FARS2: variants seen among roughly 807,000 people sequenced by gnomAD.
The protein encoded by FARS2 is phenylalanine--tRNA ligase, mitochondrial.
In FARS2, 40 loss-of-function variants were observed where a neutral mutation model predicts 46.4. The observed-to-expected ratio is 0.86, with a 90% CI of 0.67 to 1.12. The LOEUF is 1.12. Among genes scored for constraint, FARS2 ranks in the 50% most tolerant of loss-of-function variants. The pLI, the probability that FARS2 is intolerant of heterozygous loss-of-function variation, is 0.00. For missense variants in FARS2, 513 were observed against 567.9 expected (o/e 0.90, Z 0.98); for synonymous variants, 234 against 214.9 (o/e 1.09, Z -0.78).
chr6:5,622,770 C>T (rs901367716), intron 6 of FARS2, among the ~76,000 whole-genome samples: 3 of 152,202 alleles, frequency 2.0e-5, no homozygotes, highest in African/African-American at 4.8e-5. Context: ...GTGAGAAATG[C>T]GTTTCTATTG....
chr6:5,439,838 C>T (rs1763741744), intron 4 of FARS2, among the ~76,000 whole-genome samples: 1 of 152,206 alleles, frequency 6.6e-6, no homozygotes, highest in Non-Finnish European at 1.5e-5. Context: ...TCCTGCCCTC[C>T]CTTCCTTCTC....
intron 4 of FARS2, among the ~76,000 whole-genome samples, chr6:5,512,252 T>C (rs1176634094): frequency 1.3e-5 from 2 of 152,100 alleles, no homozygotes; most frequent in African/African-American, 4.8e-5. Context: ...ACACAGCTAA[T>C]TAGAGGGAGA....
chr6:5,302,738 A>G (rs143673579), intron 1 of FARS2, among the ~76,000 whole-genome samples: 34 of 152,294 alleles, frequency 2.2e-4, no homozygotes, highest in Middle Eastern at 3.4e-3. Flanking sequence ...GTGGGGGGCT[A>G]TAACTGTTGG....
intron 6 of FARS2, among the ~76,000 whole-genome samples, chr6:5,682,532 C>T (rs370051328): frequency 4.8e-4 from 73 of 152,346 alleles, no homozygotes; most frequent in Non-Finnish European, 8.7e-4. Flanking sequence ...TTCTTTTCCA[C>T]ACTGAATTTA....
At chr6:5,346,108 T>C (rs1757215133) in intron 1 of FARS2, among the ~76,000 whole-genome samples, 1 of 152,164 alleles carries the variant, frequency 6.6e-6, no homozygotes, top group African/African-American at 2.4e-5. Context: ...TAGAAGTCTC[T>C]TCCCTCGCAG....
chr6:5,503,387 CACACACACACACACACACAGAGAG>C (rs977556039), intron 4 of FARS2, among the ~76,000 whole-genome samples: 3 of 64,304 alleles, frequency 4.7e-5, no homozygotes, highest in Non-Finnish European at 9.4e-5. Flanking sequence ...CACACACACA[CACACACACACACACACACAGAGAG>C]AGAGAGAGAG....
chr6:5,713,100 G>T (rs986568156), intron 6 of FARS2, among the ~76,000 whole-genome samples: 4 of 152,172 alleles, frequency 2.6e-5, no homozygotes, highest in African/African-American at 9.7e-5. Context: ...TGGCAATTTG[G>T]CATTATGGTG....
At chr6:5,709,802 C>T (rs889845655) in intron 6 of FARS2, among the ~76,000 whole-genome samples, 1 of 151,938 alleles carries the variant, frequency 6.6e-6, no homozygotes, top group Non-Finnish European at 1.5e-5. Context: ...AGGAAAGATA[C>T]TGAGCAGAGG....
chr6:5,568,992 A>T (rs1772477959), intron 5 of FARS2, among the ~76,000 whole-genome samples: 1 of 151,730 alleles, frequency 6.6e-6, no homozygotes, highest in African/African-American at 2.4e-5. Flanking sequence ...TTAACACCTA[A>T]ATTGGGGTCT....
chr6:5,740,603 G>A (rs999434120), intron 6 of FARS2, among the ~76,000 whole-genome samples: 3 of 151,868 alleles, frequency 2.0e-5, no homozygotes, highest in South Asian at 2.1e-4. Context: ...AAAAGCCCCC[G>A]TTTCCAGATG....
rs953060493 is a variant in FARS2 at position 5,629,896 on chromosome 6, C to T, written c.1217+16576C>T. ...GGGGATGAAGAAACCACATAACTCT[C>T]AGAGTCCTGACCTGTGCGGCCAAGA... is the stretch of plus-strand genomic sequence containing the variant. On this transcript the variant is annotated intron_variant, in intron 6 of 6. Coordinates refer to ENST00000274680, the MANE Select transcript of FARS2 (RefSeq NM_006567.5). 3.3e-5 allele frequency among the ~76,000 whole-genome samples: 5 copies of T among 152,224 alleles called. No homozygotes were observed. In the South Asian group the frequency reaches 6.2e-4, roughly 19 times the overall value.
rs149594996 is a variant in FARS2, at chr6:5,421,747, G to A, written c.773-9294G>A. On this transcript the variant is annotated intron_variant, in intron 3 of 6. Transcript: ENST00000274680. Reference sequence around the variant, plus strand: ...ACAAAAGTTACTTTGCTCCATTTCCGAACAAGTTCCTCATCTCCATCTGAG... The same window carrying A: ...ACAAAAGTTACTTTGCTCCATTTCCAAACAAGTTCCTCATCTCCATCTGAG... Among the ~76,000 whole-genome samples, 428 of 152,230 alleles carry A rather than the reference G, an allele frequency of 2.8e-3. 2 individuals are homozygous for A. The highest frequency in any genetic ancestry group is 9.8e-3 in the African/African-American group (408 of 41,532).
chr6:5,475,297 A>T (rs1223471015), intron 4 of FARS2, among the ~76,000 whole-genome samples: 1 of 152,194 alleles, frequency 6.6e-6, no homozygotes, highest in Non-Finnish European at 1.5e-5. Context: ...TATTTTAGGC[A>T]CGTGCAAGAA....
chr6:5,659,706 A>G (rs1777763012), intron 6 of FARS2, among the ~76,000 whole-genome samples: 1 of 152,216 alleles, frequency 6.6e-6, no homozygotes, highest in South Asian at 2.1e-4. Flanking sequence ...CAGTGGAGAA[A>G]AATCATGGTT....
intron 6 of FARS2, among the ~76,000 whole-genome samples, chr6:5,721,879 T>C (rs1759932113): frequency 6.6e-6 from 1 of 152,248 alleles, no homozygotes. Context: ...CAGCTCACAG[T>C]TGAATCTCAG....
chr6:5,633,050 A>G lies in FARS2; in HGVS notation c.1217+19730A>G, dbSNP rs141139007. Among the ~76,000 whole-genome samples, 74 of 149,666 alleles carry G rather than the reference A, an allele frequency of 4.9e-4. No homozygotes were observed. In the East Asian group the frequency reaches 0.014, roughly 28 times the overall value. On this transcript the variant is annotated intron_variant, in intron 6 of 6. Coordinates refer to ENST00000274680, the MANE Select transcript of FARS2 (RefSeq NM_006567.5). ...ACACTGAGAGTATTGGATTTTTGTTATTAGAAGTAATGGGTTTTTATTTTA... is the reference window on the plus strand; with the variant it reads ...ACACTGAGAGTATTGGATTTTTGTTGTTAGAAGTAATGGGTTTTTATTTTA...
chr6:5,371,555 A>C (rs1029833687), intron 2 of FARS2, among the ~76,000 whole-genome samples: 1 of 152,152 alleles, frequency 6.6e-6, no homozygotes, highest in African/African-American at 2.4e-5. Context: ...TGTATTTTGA[A>C]AAATAGTAAA....
At chr6:5,715,941 G>C (rs957089323) in intron 6 of FARS2, among the ~76,000 whole-genome samples, 3 of 152,000 alleles carry the variant, frequency 2.0e-5, no homozygotes, top group African/African-American at 7.3e-5. Flanking sequence ...AGTGTATGAG[G>C]GTTCAAATTT....
intron 3 of FARS2, among the ~76,000 whole-genome samples, chr6:5,424,590 G>A (rs1306620769): frequency 6.6e-6 from 1 of 152,124 alleles, no homozygotes; most frequent in African/African-American, 2.4e-5. Flanking sequence ...AATAGAAACA[G>A]ATATTTGTAT....
Sources: allele counts gnomAD v4.1 joint callset (sites outside exome capture counted in the v4.1 genomes callset), GRCh38; gene constraint gnomAD v4.1.1; transcripts MANE v1.5; gene names NCBI Gene and HGNC (gene_info 2026-07-23, HGNC 2026-07-21).